SCLT1: variants seen among roughly 807,000 people sequenced by gnomAD.
The protein encoded by SCLT1 is sodium channel and clathrin linker 1.
In SCLT1, 78 loss-of-function variants were observed where a neutral mutation model predicts 112.8. The ratio of observed to expected loss-of-function variants is 0.69; its 90% confidence interval spans 0.58 to 0.83. SCLT1 has a LOEUF of 0.83. Ranked by LOEUF, SCLT1 falls within the 40% of genes least tolerant of loss-of-function variation. The pLI, the probability that SCLT1 is intolerant of heterozygous loss-of-function variation, is 0.00. For synonymous variants in SCLT1, 257 were observed against 254.7 expected (o/e 1.01, Z -0.09); for missense variants, 747 against 770.4 (o/e 0.97, Z 0.36).
At chr4:128,982,800 C>A (rs992084698) in intron 9 of SCLT1, among the ~76,000 whole-genome samples, 1 of 152,004 alleles carries the variant, frequency 6.6e-6, no homozygotes, top group Non-Finnish European at 1.5e-5. Context: ...CCGCACCTGG[C>A]CAGCTAAAAT....
At chr4:129,058,372 CCT>C (rs2125726415) in intron 2 of SCLT1, among the ~76,000 whole-genome samples, 1 of 152,018 alleles carries the variant, frequency 6.6e-6, no homozygotes, top group South Asian at 2.1e-4. Context: ...TATAAATTTA[CCT>C]CTTTTGCTGT....
intron 2 of SCLT1, among the ~76,000 whole-genome samples, chr4:129,059,793 C>T (rs1295855296): frequency 6.6e-6 from 1 of 152,108 alleles, no homozygotes; most frequent in Non-Finnish European, 1.5e-5. Context: ...TTGTCTTTGA[C>T]TTTTGAAAAT....
At chr4:128,937,596 G>A (rs1322959580) in intron 17 of SCLT1, among the ~76,000 whole-genome samples, 1 of 152,150 alleles carries the variant, frequency 6.6e-6, no homozygotes, top group African/African-American at 2.4e-5. Context: ...AAAGGGCTTT[G>A]TAAAGTCAAA....
In SCLT1 at chr4:129,091,692, T is replaced by C. The variant is rs1466651166; in HGVS notation, c.34+1378A>G. ...TAACATATACCATGCACTTAATATGTGCCAGACACTATGCTCAATGCTTTT... is the reference window on the plus strand; with the variant it reads ...TAACATATACCATGCACTTAATATGCGCCAGACACTATGCTCAATGCTTTT... On this transcript the variant is annotated intron_variant, in intron 1 of 20. Transcript: ENST00000281142. Among the ~76,000 whole-genome samples, 5 of 152,342 alleles carry C rather than the reference T, an allele frequency of 3.3e-5. No homozygotes were observed. In the East Asian group the frequency reaches 7.7e-4, roughly 24 times the overall value.
chr4:129,051,989 T>C (rs1344674003), intron 2 of SCLT1, among the ~76,000 whole-genome samples: 3 of 152,188 alleles, frequency 2.0e-5, no homozygotes, highest in African/African-American at 7.2e-5. Context: ...GATAATCGTG[T>C]GGTTTTTGTC....
chr4:128,952,700 C>T, intron 14 of SCLT1, 69 bp downstream of exon 14: 1 of 884,762 alleles, frequency 1.1e-6, no homozygotes, highest in Non-Finnish European at 1.9e-6. Context: ...AATGAATCCC[C>T]AATAGTATAT....
At chr4:128,925,248 G>A (rs546798025) in intron 18 of SCLT1, among the ~76,000 whole-genome samples, 4 of 152,206 alleles carry the variant, frequency 2.6e-5, no homozygotes, top group East Asian at 1.9e-4. Flanking sequence ...ATAAATGTTC[G>A]CTGTTTTAAG....
intron 16 of SCLT1, among the ~76,000 whole-genome samples, chr4:128,945,314 A>G (rs1430918950): frequency 6.6e-6 from 1 of 152,166 alleles, no homozygotes; most frequent in Non-Finnish European, 1.5e-5. Context: ...AGTACATACA[A>G]GATTTATGCT....
At chr4:128,892,875 G>A (rs1418603599) in intron 18 of SCLT1, among the ~76,000 whole-genome samples, 1 of 152,054 alleles carries the variant, frequency 6.6e-6, no homozygotes, top group Non-Finnish European at 1.5e-5. Flanking sequence ...TTAGCTTTGA[G>A]TGATAATGAC....
At chr4:128,936,213 T>C (rs1428508578) in intron 18 of SCLT1, among the ~76,000 whole-genome samples, 2 of 152,084 alleles carry the variant, frequency 1.3e-5, no homozygotes, top group South Asian at 2.1e-4. Flanking sequence ...CACATTCATC[T>C]GTTGAACATT....
chr4:129,041,261 A>G (rs1747673063), intron 4 of SCLT1, among the ~76,000 whole-genome samples: 1 of 152,216 alleles, frequency 6.6e-6, no homozygotes, highest in African/African-American at 2.4e-5. Context: ...CTAAATTTAA[A>G]TAACTACAGG....
intron 9 of SCLT1, among the ~76,000 whole-genome samples, chr4:128,989,397 A>G (rs1553981092): frequency 1.3e-5 from 2 of 151,938 alleles, no homozygotes; most frequent in Non-Finnish European, 2.9e-5. Flanking sequence ...TAACCAATTT[A>G]GAAGGAAATT....
chr4:128,912,129 C>A (rs1735147530), intron 18 of SCLT1, among the ~76,000 whole-genome samples: 1 of 152,140 alleles, frequency 6.6e-6, no homozygotes, highest in Admixed American at 6.6e-5. Flanking sequence ...GACATCATTA[C>A]ACGGAGAGTC....
chr4:128,960,714 A>G (rs1739623570), intron 11 of SCLT1, among the ~76,000 whole-genome samples: 1 of 151,096 alleles, frequency 6.6e-6, no homozygotes, highest in South Asian at 2.1e-4. Flanking sequence ...AGGTCAGGAG[A>G]TCGAGACCAT....
chr4:128,980,539 TTA>T (rs1005385413), intron 9 of SCLT1, among the ~76,000 whole-genome samples: 131 of 152,244 alleles, frequency 8.6e-4, no homozygotes, highest in African/African-American at 2.8e-3. Context: ...ATGAAACCAC[TTA>T]TATATAAGTA....
At chr4:129,019,946 C>T (rs1745317619) in intron 5 of SCLT1, among the ~76,000 whole-genome samples, 1 of 151,998 alleles carries the variant, frequency 6.6e-6, no homozygotes, top group African/African-American at 2.4e-5. Flanking sequence ...AGTTGCACCC[C>T]TTCCTCTGTT....
At chr4:128,967,577 C>A (rs913126252) in intron 10 of SCLT1, among the ~76,000 whole-genome samples, 2 of 151,986 alleles carry the variant, frequency 1.3e-5, no homozygotes, top group African/African-American at 4.8e-5. Flanking sequence ...TATCTCATTG[C>A]GATTTTGATT....
At chr4:129,007,061 A>T (rs1282220005) in intron 5 of SCLT1, among the ~76,000 whole-genome samples, 1 of 152,196 alleles carries the variant, frequency 6.6e-6, no homozygotes, top group African/African-American at 2.4e-5. Flanking sequence ...TTTTCTAGTT[A>T]CCTTTTTATT....
chr4:128,879,343 A>C (rs530231990), downstream of SCLT1, among the ~76,000 whole-genome samples: 1 of 152,312 alleles, frequency 6.6e-6, no homozygotes, highest in East Asian at 1.9e-4. Context: ...GTTTACAGTG[A>C]GTTCAAGCCT....
Sources: gnomAD v4.1 joint callset for allele counts (sites outside exome capture counted in the v4.1 genomes callset) on GRCh38, gnomAD v4.1.1 for gene constraint, MANE v1.5 for transcripts, NCBI Gene and HGNC (gene_info 2026-07-23, HGNC 2026-07-21) for gene names.